The following CAMTA1 variants were observed in gnomAD, a reference collection of about 807,000 sequenced individuals.
CAMTA1 encodes calmodulin binding transcription activator 1.
In CAMTA1, 27 loss-of-function variants were observed where a neutral mutation model predicts 170.9. The ratio of observed to expected loss-of-function variants is 0.16; its 90% CI spans 0.12 to 0.22. The LOEUF (loss-of-function observed/expected upper bound fraction) is 0.22. Among genes scored for constraint, CAMTA1 ranks in the 10% least tolerant of loss-of-function variants. CAMTA1 has a pLI of 1.00. For missense variants in CAMTA1, 1,619 were observed against 2,217.2 expected (o/e 0.73, Z 5.42); for synonymous variants, 833 against 891.5 (o/e 0.93, Z 1.17).
In CAMTA1 at chr1:7,258,234, C is replaced by G. The variant is rs148076339; in HGVS notation, c.438+8608C>G. ...AAGTGTGATTGTAGTTTCTGCCTTC[C>G]TTGTATCTCTGGTAGATGACAATAC... On this transcript the variant is annotated intron_variant, in intron 5 of 22. Coordinates refer to ENST00000303635, the MANE Select transcript of CAMTA1 (RefSeq NM_015215.4). 3.8e-3 allele frequency among the ~76,000 whole-genome samples: 575 copies of G among 152,286 alleles called. 3 individuals are homozygous for G. The highest frequency in any genetic ancestry group is 0.013 in the African/African-American group (556 of 41,538).
chr1:7,158,263 T>C (rs1295835942), intron 4 of CAMTA1, among the ~76,000 whole-genome samples: 1 of 152,232 alleles, frequency 6.6e-6, no homozygotes, highest in East Asian at 1.9e-4. Context: ...GTACATGTTA[T>C]ATGTTTCATT....
chr1:7,009,894 C>T (rs1248040522), intron 3 of CAMTA1, among the ~76,000 whole-genome samples: 2 of 152,196 alleles, frequency 1.3e-5, no homozygotes, highest in Admixed American at 1.3e-4. Context: ...CGTGCTTGGG[C>T]TCTAGCTTGG....
chr1:7,076,637 G>A (rs192634254), intron 3 of CAMTA1, among the ~76,000 whole-genome samples: 18 of 152,104 alleles, frequency 1.2e-4, no homozygotes, highest in Non-Finnish European at 5.9e-5. Flanking sequence ...AAGTCCTCAC[G>A]TGGACCCAGG....
At chr1:7,453,553 G>A (rs1361430263) in intron 5 of CAMTA1, among the ~76,000 whole-genome samples, 1 of 152,222 alleles carries the variant, frequency 6.6e-6, no homozygotes, top group Non-Finnish European at 1.5e-5. Context: ...CCCCAGCTCT[G>A]AGCCAAACAG....
intron 5 of CAMTA1, among the ~76,000 whole-genome samples, chr1:7,409,506 C>T (rs563313046): frequency 1.3e-5 from 2 of 149,430 alleles, no homozygotes; most frequent in East Asian, 4.1e-4. Flanking sequence ...CAGAGTCCAG[C>T]ATGAGGACTC....
chr1:7,420,963 G>T (rs1400877494), intron 5 of CAMTA1, among the ~76,000 whole-genome samples: 1 of 152,132 alleles, frequency 6.6e-6, no homozygotes, highest in African/African-American at 2.4e-5. Flanking sequence ...CCACACACCA[G>T]TGGGGGCTTC....
intron 5 of CAMTA1, among the ~76,000 whole-genome samples, chr1:7,464,519 G>A (rs2093165948): frequency 6.6e-6 from 1 of 152,218 alleles, no homozygotes; most frequent in South Asian, 2.1e-4. Context: ...CTGGTGAAAA[G>A]ACTGCAGAGT....
At position 7,455,801 on chromosome 1, in the gene CAMTA1, C is replaced by A. The variant is rs897888319; in HGVS notation, c.439-12029C>A. Among the ~76,000 whole-genome samples the A allele has an allele frequency of 3.8e-4, 58 of 152,270 alleles. No homozygotes were observed. Among genetic ancestry groups the A allele is most frequent in the Admixed American group, 1.3e-3 (20 of 15,290 alleles). ...GAGAAGAGAGCCACTGATTTCTGGG[C>A]AGCACTTGGCCCTCCGTGCCGTCCA... On this transcript the variant is annotated intron_variant, in intron 5 of 22. Coordinates refer to ENST00000303635, the MANE Select transcript of CAMTA1 (RefSeq NM_015215.4). This position sits in a 1 kb window ranked among gnomAD's most constrained non-coding sequence, Gnocchi z 5.0.
chr1:6,816,453 G>A lies in CAMTA1; in HGVS notation c.46-3728G>A, dbSNP rs978920810. Among the ~76,000 whole-genome samples, 3 of 152,118 alleles carry A rather than the reference G, an allele frequency of 2.0e-5. No homozygotes were observed. In the East Asian group the frequency reaches 5.8e-4, roughly 29 times the overall value. ...TTTAATAGTTGTAGAACAAATGGAA[G>A]GAGCTACCATAAAGAAGGATGTGTT... is the stretch of plus-strand genomic sequence containing the variant. On this transcript the variant is annotated intron_variant, in intron 1 of 22. Transcript: ENST00000303635.
chr1:7,065,140 G>C lies in CAMTA1; in HGVS notation c.235-26164G>C, dbSNP rs1002570502. Among the ~76,000 whole-genome samples the C allele has an allele frequency of 6.6e-6, 1 of 152,130 alleles. No homozygotes were observed. Among genetic ancestry groups the C allele is most frequent in the Non-Finnish European group, 1.5e-5 (1 of 68,024 alleles). The stretch of plus-strand genomic sequence containing the variant: ...AGGCCACATAGGCTAGCAGATCCTG[G>C]GCCAGGAGCTCCCAGAAGGACCTAG... On this transcript the variant is annotated intron_variant, in intron 3 of 22. Transcript: ENST00000303635. The surrounding 1 kb of genome is among the most constrained non-coding windows in gnomAD (Gnocchi z 5.2).
In CAMTA1 at chr1:7,721,519, G is replaced by A. The variant is rs570360862; in HGVS notation, c.2915-10929G>A. ...GAAGAGTTAAGAAGTTCACCAGGTG[G>A]ATGAGGAGAAAGGTTGGCCTCGGCA... On this transcript the variant is annotated intron_variant, in intron 11 of 22. Coordinates refer to ENST00000303635, the MANE Select transcript of CAMTA1 (RefSeq NM_015215.4). Among the ~76,000 whole-genome samples, 105 of 152,250 alleles carry A rather than the reference G, an allele frequency of 6.9e-4. 1 individual carries two copies. The highest frequency in any genetic ancestry group is 2.5e-3 in the African/African-American group (102 of 41,548).
rs188890332 is a variant in CAMTA1, at chr1:7,197,851, G to A, written c.303-51640G>A. On this transcript the variant is annotated intron_variant, in intron 4 of 22. Coordinates refer to ENST00000303635, the MANE Select transcript of CAMTA1 (RefSeq NM_015215.4). ...TCAAATCCAGGTCATGCCCCTTTTC[G>A]GGACACTGGAACATTCCAATCAACA... Among the ~76,000 whole-genome samples the A allele has an allele frequency of 3.7e-4, 56 of 151,946 alleles. 1 individual carries two copies. Among genetic ancestry groups the A allele is most frequent in the African/African-American group, 1.2e-3 (51 of 41,448 alleles).
chr1:7,495,594 A>T (rs948013705), intron 6 of CAMTA1, among the ~76,000 whole-genome samples: 9 of 152,164 alleles, frequency 5.9e-5, no homozygotes, highest in Non-Finnish European at 1.3e-4. Context: ...CTGGCCTCTC[A>T]TTCCTGGACT....
At chr1:7,425,755 C>T (rs188470146) in intron 5 of CAMTA1, among the ~76,000 whole-genome samples, 63 of 152,056 alleles carry the variant, frequency 4.1e-4, no homozygotes, top group Admixed American at 6.5e-4. Flanking sequence ...TTGCTGAGAC[C>T]AGCAAACAGG....
chr1:7,394,209 T>C (rs1404887613), intron 5 of CAMTA1, among the ~76,000 whole-genome samples: 1 of 152,238 alleles, frequency 6.6e-6, no homozygotes, highest in Non-Finnish European at 1.5e-5. Context: ...ATATATTCAG[T>C]AGTAGGATTG....
chr1:7,677,794 T>C lies in CAMTA1; in HGVS notation c.2914+61T>C, dbSNP rs936285450. The C allele has an allele frequency of 4.5e-6, 7 of 1,557,900 alleles. No individual in the cohort carries two copies. The African/African-American group carries it at 6.8e-5, about 15-fold the overall frequency. On this transcript the variant is annotated intron_variant, in intron 11 of 22. Coordinates refer to ENST00000303635, the MANE Select transcript of CAMTA1 (RefSeq NM_015215.4). ...AAGGGAGAGGGATGCTTGGGGACTCTTGCACAAGGTGTGAAAGAAGAGTAA... is the reference window on the plus strand; with the variant it reads ...AAGGGAGAGGGATGCTTGGGGACTCCTGCACAAGGTGTGAAAGAAGAGTAA...
At position 7,701,590 on chromosome 1, in the gene CAMTA1, T is replaced by TA. The variant is rs1366235402; in HGVS notation, c.2914+23865dup. On this transcript the variant is annotated intron_variant, in intron 11 of 22. Transcript: ENST00000303635. Reference sequence around the variant, plus strand: ...ACCACCACACCCCGCTAATTTTTTTTAAAAAAAATTGTAGAGAGGAGATCT... The same window carrying TA: ...ACCACCACACCCCGCTAATTTTTTTTAAAAAAAAATTGTAGAGAGGAGATCT... 4.0e-5 allele frequency among the ~76,000 whole-genome samples: 6 copies of TA among 151,566 alleles called. 1 individual carries two copies. Among genetic ancestry groups the TA allele is most frequent in the East Asian group, 1.9e-4 (1 of 5,144 alleles).
At chr1:7,231,802 C>T (rs1431911463) in intron 4 of CAMTA1, among the ~76,000 whole-genome samples, 2 of 152,182 alleles carry the variant, frequency 1.3e-5, no homozygotes, top group Admixed American at 6.5e-5. Flanking sequence ...ATGTGCTGTC[C>T]TCTTCTGTCA....
intron 3 of CAMTA1, among the ~76,000 whole-genome samples, chr1:6,882,280 A>C (rs1308407680): frequency 6.6e-6 from 1 of 152,238 alleles, no homozygotes; most frequent in African/African-American, 2.4e-5. Context: ...TAGTTGTAAC[A>C]GGGAGCATAT....
Sources: gnomAD v4.1 joint callset for allele counts (sites outside exome capture counted in the v4.1 genomes callset) on GRCh38, gnomAD v4.1.1 for gene constraint, Gnocchi (gnomAD v3.1) non-coding constraint, MANE v1.5 for transcripts, NCBI Gene and HGNC (gene_info 2026-07-23, HGNC 2026-07-21) for gene names.